Variants in IGSF10 observed in about 807,000 individuals in gnomAD.
The protein encoded by IGSF10 is calvaria mechanical force protein 608.
A neutral mutation model predicts 128.2 loss-of-function variants in IGSF10; 126 were observed. The ratio of observed to expected loss-of-function variants is 0.98; its 90% CI spans 0.85 to 1.14. The LOEUF is 1.14. Ranked by LOEUF, IGSF10 falls within the 50% of genes most tolerant of loss-of-function variation. The pLI is 0.00. For synonymous variants in IGSF10, 1,185 were observed against 1,146.2 expected (o/e 1.03, Z -0.68); for missense variants, 3,295 against 3,149.8 (o/e 1.05, Z -1.10).
the IGSF10 span, among the ~76,000 whole-genome samples, chr3:151,567,966 C>T: frequency 1.3e-5 from 2 of 152,264 alleles, no homozygotes; most frequent in South Asian, 2.1e-4. Context: ...GTCAGGCTCA[C>T]GTCTTACTAT....
chr3:151,612,303 A>C, the IGSF10 span, among the ~76,000 whole-genome samples: 1 of 152,208 alleles, frequency 6.6e-6, no homozygotes, highest in Admixed American at 6.5e-5. Flanking sequence ...TGGTTCACAC[A>C]GAGTGTGAAT....
the IGSF10 span, among the ~76,000 whole-genome samples, chr3:151,530,421 C>G: frequency 6.6e-6 from 1 of 152,010 alleles, no homozygotes; most frequent in Non-Finnish European, 1.5e-5. Context: ...ATCAGATTCA[C>G]CAAGGTTGAA....
At position 151,443,665 on chromosome 3, in the gene IGSF10, C is replaced by T; in HGVS notation, c.5282G>A (p.Ser1761Asn). 6.2e-7 allele frequency: 1 copy of T among 1,614,216 alleles called. No individual in the cohort carries two copies. ...TGCTCTGCACTTCAGTTCCACAGTG[C>T]TTCCGGAATGAACTGTGATCTCTTT... is the stretch of plus-strand genomic sequence containing the variant. ...RTKEITVHSG[S>N]TVELKCRAEG... The change falls in exon 7 of 8, where the codon AGC becomes AAC. Residue 1761 changes from serine (S) to asparagine (N), a missense_variant. Transcript: ENST00000282466.
chr3:151,600,230 AT>A, the IGSF10 span, among the ~76,000 whole-genome samples: 1 of 152,072 alleles, frequency 6.6e-6, no homozygotes, highest in African/African-American at 2.4e-5. Context: ...TTAAAATGTT[AT>A]TTTTAAGAAG....
At chr3:151,442,654 G>A (rs1283434097) in intron 7 of IGSF10, among the ~76,000 whole-genome samples, 4 of 150,742 alleles carry the variant, frequency 2.7e-5, no homozygotes, top group African/African-American at 9.8e-5. Flanking sequence ...CTCCCAAAGT[G>A]CTAGGATTAC....
At chr3:151,489,891 A>T in the IGSF10 span, among the ~76,000 whole-genome samples, 2 of 151,782 alleles carry the variant, frequency 1.3e-5, no homozygotes, top group South Asian at 2.1e-4. Context: ...TGATGGGTGC[A>T]GCAAACCACC....
the IGSF10 span, among the ~76,000 whole-genome samples, chr3:151,475,436 C>A: frequency 6.6e-6 from 1 of 152,162 alleles, no homozygotes; most frequent in African/African-American, 2.4e-5. Context: ...TATTAGAGTC[C>A]TTGGGGATGA....
chr3:151,498,101 C>T, the IGSF10 span, among the ~76,000 whole-genome samples: 1 of 152,140 alleles, frequency 6.6e-6, no homozygotes, highest in African/African-American at 2.4e-5. Context: ...CCTAGATATA[C>T]AATCATGTCA....
rs1560175693 is a variant in IGSF10 at position 151,445,408 on chromosome 3, A to G, written c.4573T>C (p.Ser1525Pro). The G allele has an allele frequency of 6.2e-7, 1 of 1,614,010 alleles. No individual in the cohort carries two copies. The highest frequency in any genetic ancestry group is 1.7e-5 in the Admixed American group (1 of 60,000). ...TTGGCATTTGGGTGAACCTTGGGGG[A>G]TGTTGCAACCTCTGCTACTAATTGC... ...PQQLVAEVATSPKVHPNAKFT... is the reference protein window; with the variant it reads ...PQQLVAEVATPPKVHPNAKFT... The change falls in exon 6 of 8, where the codon TCC becomes CCC. Residue 1525 changes from serine to proline, a missense_variant. By Grantham distance (74) the Ser-to-Pro change is moderately conservative (BLOSUM62 -1). Coordinates refer to ENST00000282466, the MANE Select transcript of IGSF10 (RefSeq NM_178822.5).
chr3:151,532,967 C>G, the IGSF10 span, among the ~76,000 whole-genome samples: 12 of 152,152 alleles, frequency 7.9e-5, no homozygotes, highest in Non-Finnish European at 1.8e-4. Flanking sequence ...TAAGAAAAGT[C>G]TCAGGATACA....
At chr3:151,554,162 A>G in the IGSF10 span, among the ~76,000 whole-genome samples, 1 of 148,928 alleles carries the variant, frequency 6.7e-6, no homozygotes, top group Non-Finnish European at 1.5e-5. Flanking sequence ...ACACACACAC[A>G]CGCAAAGTTG....
chr3:151,448,622 G>A lies in IGSF10; in HGVS notation c.1359C>T (p.Ser453=), dbSNP rs1343191335. The A allele has an allele frequency of 6.2e-7, 1 of 1,613,920 alleles. No individual in the cohort carries two copies. The highest frequency in any genetic ancestry group is 1.7e-5 in the Admixed American group (1 of 60,002). The part of the protein sequence containing the change: ...TTFSTLQIQY[S]SDAQITLPRA... ...TTGGTAAAGTGATTTGAGCATCACTGGAGTACTGGATCTGTAATGTACTGA... is the reference window on the plus strand; with the variant it reads ...TTGGTAAAGTGATTTGAGCATCACTAGAGTACTGGATCTGTAATGTACTGA... The change falls in exon 6 of 8, where the codon TCC becomes TCT. Residue 453 remains serine (S), a synonymous_variant. Transcript: ENST00000282466.
Position 151,448,702 on chromosome 3 carries a change from A to T in IGSF10, c.1279T>A (p.Ser427Thr). ...NIEADLRADP[S>T]WLMQDQISLQ... The stretch of plus-strand genomic sequence containing the variant: ...GAAATTTGGTCTTGCATTAACCAAG[A>T]GGGATCTGCTCTGAGATCTGCCTCT... Residue 427 changes from serine to threonine, a missense_variant, in exon 6 of 8, where the codon TCT (serine) becomes ACT (threonine). Ser to Thr is a moderately conservative substitution (Grantham distance 58). Coordinates refer to ENST00000282466, the MANE Select transcript of IGSF10 (RefSeq NM_178822.5). The T allele has an allele frequency of 6.2e-7, 1 of 1,614,144 alleles. No homozygotes were observed.
the IGSF10 span, among the ~76,000 whole-genome samples, chr3:151,509,672 G>T: frequency 2.0e-5 from 3 of 152,350 alleles, no homozygotes; most frequent in East Asian, 5.8e-4. Context: ...CTGAAGCAGG[G>T]CGAGGCATCG....
At chr3:151,490,942 A>G in the IGSF10 span, among the ~76,000 whole-genome samples, 2 of 152,144 alleles carry the variant, frequency 1.3e-5, no homozygotes, top group Non-Finnish European at 2.9e-5. Flanking sequence ...ATAGTAAAAG[A>G]TTATGTCTCA....
At chr3:151,600,249 A>T in the IGSF10 span, among the ~76,000 whole-genome samples, 1 of 152,174 alleles carries the variant, frequency 6.6e-6, no homozygotes, top group African/African-American at 2.4e-5. Flanking sequence ...AAGATAAGTA[A>T]TAGTGCAGAT....
the IGSF10 span, among the ~76,000 whole-genome samples, chr3:151,468,757 C>T: frequency 6.6e-6 from 1 of 152,144 alleles, no homozygotes; most frequent in Admixed American, 6.5e-5. Flanking sequence ...ATTTTACGTT[C>T]CAGGATACAT....
chr3:151,447,754 GCCT>G lies in IGSF10; in HGVS notation c.2224_2226del (p.Arg742del), dbSNP rs139000578. 6.2e-7 allele frequency: 1 copy of G among 1,613,986 alleles called. No individual in the cohort carries two copies. The highest frequency in any genetic ancestry group is 1.3e-5 in the African/African-American group (1 of 75,024). On this transcript the variant is annotated inframe_deletion, in exon 6 of 8. Transcript: ENST00000282466. ...ATTCTCCTAGCAGAGGGAGGGAAAT[GCCT>G]CCTATTCTCCCTAAAACGTCGATGT...
chr3:151,491,711 T>C, the IGSF10 span, among the ~76,000 whole-genome samples: 1 of 152,160 alleles, frequency 6.6e-6, no homozygotes, highest in African/African-American at 2.4e-5. Context: ...ACAGCTGAGT[T>C]CTACCAAACA....
Sources: allele counts gnomAD v4.1 joint callset (sites outside exome capture counted in the v4.1 genomes callset), GRCh38; gene constraint gnomAD v4.1.1; transcripts MANE v1.5; gene names NCBI Gene and HGNC (gene_info 2026-07-23, HGNC 2026-07-21).